Variants in KTN1 observed in about 807,000 individuals in gnomAD.
KTN1 encodes the protein kinectin.
A neutral mutation model predicts 222.5 loss-of-function variants in KTN1; 130 were observed. The observed-to-expected ratio is 0.58, with a 90% CI of 0.51 to 0.68. KTN1 has a LOEUF of 0.68. KTN1 is among the 30% of genes least tolerant of loss of function. The pLI is 0.00. For missense variants in KTN1, 1,508 were observed against 1,500.4 expected, an observed-to-expected ratio of 1.01 and a Z score of -0.08; for synonymous variants, 512 against 496.3, an observed-to-expected ratio of 1.03 and a Z score of -0.42.
chr14:55,598,346 A>T (rs558349131), intron 1 of KTN1, among the ~76,000 whole-genome samples: 1 of 151,310 alleles, frequency 6.6e-6, no homozygotes, highest in Non-Finnish European at 1.5e-5. Flanking sequence ...GAGGCAGGAG[A>T]ATGGCGGGAG....
intron 9 of KTN1, among the ~76,000 whole-genome samples, chr14:55,634,982 G>C (rs2040954274): frequency 1.3e-5 from 2 of 152,164 alleles, no homozygotes; most frequent in South Asian, 4.1e-4. Context: ...CTATGATTCA[G>C]TTACCTCCAC....
Position 55,672,991 on chromosome 14 carries a change from CTA to C in KTN1, c.3668_3669del (p.Tyr1223CysfsTer13), listed in dbSNP as rs1396934382. ...AAAAGGCAGAGATGGAACGATCTAC[CTA>C]TGTTACAGAAGTCAGAGAGGTACTT... ...LEKAEMERST[Y>X]VTEVRELKDL... On this transcript the variant is annotated frameshift_variant, in exon 39 of 44. Coordinates refer to ENST00000395314, the MANE Select transcript of KTN1 (RefSeq NM_001079521.2). LOFTEE classifies it high-confidence loss of function. 6.2e-7 allele frequency: 1 copy of C among 1,612,184 alleles called. No individual in the cohort carries two copies. Among genetic ancestry groups the C allele is most frequent in the Non-Finnish European group, 8.5e-7 (1 of 1,178,564 alleles).
At position 55,671,769 on chromosome 14, in the gene KTN1, A is replaced by G. The variant is rs45486794; in HGVS notation, c.3439-16A>G. On this transcript the variant is annotated splice_polypyrimidine_tract_variant and intron_variant, in intron 36 of 43. Coordinates refer to ENST00000395314, the MANE Select transcript of KTN1 (RefSeq NM_001079521.2). Reference sequence around the variant, plus strand: ...AGAACATGAATTTTTCAAAACAACTATGCTTTTGTCTGTAGGAAGGAATTT... The same window carrying G: ...AGAACATGAATTTTTCAAAACAACTGTGCTTTTGTCTGTAGGAAGGAATTT... The G allele has an allele frequency of 2.0e-3, 3,124 of 1,587,778 alleles. 3 individuals carry two copies. Among genetic ancestry groups the G allele is most frequent in the Non-Finnish European group, 2.5e-3 (2,854 of 1,157,128 alleles).
At chr14:55,653,889 A>G (rs369222562) in intron 28 of KTN1, among the ~76,000 whole-genome samples, 4 of 152,316 alleles carry the variant, frequency 2.6e-5, no homozygotes, top group African/African-American at 7.2e-5. Context: ...AAAATATGCA[A>G]TTATTATAGA....
intron 13 of KTN1, 68 bp from the exon 14 acceptor site, chr14:55,639,845 G>A (rs905249809): frequency 1.0e-6 from 1 of 996,150 alleles, no homozygotes; most frequent in Non-Finnish European, 1.6e-6. Flanking sequence ...GCTTTTTAAG[G>A]CTTTAAATCC....
chr14:55,641,095 A>G, intron 16 of KTN1, 32 bp from the exon 17 acceptor site: 1 of 1,509,494 alleles, frequency 6.6e-7, no homozygotes, highest in Non-Finnish European at 9.1e-7. Flanking sequence ...TGAATGTATG[A>G]AGTATTTTAA....
At chr14:55,636,260 T>A (rs2041113783) in intron 9 of KTN1, among the ~76,000 whole-genome samples, 189 bp from the exon 10 acceptor site, 1 of 152,210 alleles carries the variant, frequency 6.6e-6, no homozygotes, top group Admixed American at 6.5e-5. Context: ...ATAGGATGGC[T>A]ATGGCTGATA....
chr14:55,588,975 C>T (rs536312841), intron 1 of KTN1, among the ~76,000 whole-genome samples: 5 of 150,326 alleles, frequency 3.3e-5, no homozygotes, highest in South Asian at 2.1e-4. Context: ...ATATAGTTAC[C>T]GAAAAAAAAA....
At chr14:55,598,105 C>G (rs894364364) in intron 1 of KTN1, among the ~76,000 whole-genome samples, 2 of 152,012 alleles carry the variant, frequency 1.3e-5, no homozygotes, top group African/African-American at 4.8e-5. Context: ...TAGAGAAAAG[C>G]AAAGGTCAGC....
chr14:55,684,443 T>G lies in KTN1; in HGVS notation c.*340T>G, dbSNP rs1417444343. On this transcript the variant is annotated 3_prime_UTR_variant, in exon 44 of 44. Coordinates refer to ENST00000395314, the MANE Select transcript of KTN1 (RefSeq NM_001079521.2). ...AATGTAAAATTTAACATTTTAATAC[T>G]GATGTTGTACACTGTTTTACTTAAC... 1 of 252,096 alleles carries G rather than the reference T, an allele frequency of 4.0e-6. No individual in the cohort carries two copies. Among genetic ancestry groups the G allele is most frequent in the African/African-American group, 2.2e-5 (1 of 45,742 alleles). 15.6% of individuals were successfully genotyped at this position (252,096 alleles called of 1,614,324 possible). A position where few individuals can be genotyped will look rare whatever the true frequency, so the allele number is the denominator to read the frequency against.
chr14:55,640,308 A>C, intron 14 of KTN1, 66 bp from the exon 15 acceptor site: 1 of 1,115,086 alleles, frequency 9.0e-7, no homozygotes, highest in Non-Finnish European at 1.3e-6. Flanking sequence ...TTTGTAGAAA[A>C]GATGCTTTAC....
chr14:55,628,517 A>G (rs2040126050), intron 6 of KTN1, among the ~76,000 whole-genome samples: 1 of 152,230 alleles, frequency 6.6e-6, no homozygotes, highest in Non-Finnish European at 1.5e-5. Context: ...CAATCTTTAA[A>G]ACATCATGAA....
intron 5 of KTN1, among the ~76,000 whole-genome samples, chr14:55,623,649 G>T (rs763503269): frequency 3.9e-5 from 6 of 152,242 alleles, no homozygotes; most frequent in Non-Finnish European, 7.3e-5. Context: ...AGGATTACAG[G>T]TGTGAGCCAC....
chr14:55,593,848 A>G (rs1167595053), intron 1 of KTN1, among the ~76,000 whole-genome samples: 1 of 138,572 alleles, frequency 7.2e-6, no homozygotes, highest in Non-Finnish European at 1.6e-5. Flanking sequence ...TTACCTTTTT[A>G]TTTTTTTGAA....
At chr14:55,583,097 T>C (rs1243800266) in intron 1 of KTN1, among the ~76,000 whole-genome samples, 1 of 152,130 alleles carries the variant, frequency 6.6e-6, no homozygotes, top group East Asian at 1.9e-4. Context: ...CCCTCCTCTA[T>C]AAATAGAAAA....
Position 55,675,860 on chromosome 14 carries a change from T to TCACAAAACTTA in KTN1, c.3798_3808dup (p.Arg1270ThrfsTer14), listed in dbSNP as rs1395130514. 1 of 1,612,606 alleles carries TCACAAAACTTA rather than the reference T, an allele frequency of 6.2e-7. No homozygotes were observed. Among genetic ancestry groups the TCACAAAACTTA allele is most frequent in the African/African-American group, 1.3e-5 (1 of 75,014 alleles). On this transcript the variant is annotated frameshift_variant, in exon 41 of 44. Coordinates refer to ENST00000395314, the MANE Select transcript of KTN1 (RefSeq NM_001079521.2). LOFTEE classifies it high-confidence loss of function. ...TTGAAGGCACAGTTAAATGAAACAC[T>TCACAAAACTTA]CACAAAACTTAGAACTGAACAAAAT...
At chr14:55,675,688 T>TA (rs2045831911) in intron 40 of KTN1, 147 bp from the exon 41 acceptor site, 2 of 531,402 alleles carry the variant, frequency 3.8e-6, no homozygotes, top group Non-Finnish European at 6.7e-6. Flanking sequence ...CTGCTTAGCC[T>TA]TTCTATACAT....
intron 5 of KTN1, among the ~76,000 whole-genome samples, chr14:55,621,158 C>T (rs989537756): frequency 1.3e-5 from 2 of 152,088 alleles, no homozygotes; most frequent in Non-Finnish European, 2.9e-5. Context: ...CAACATGTTC[C>T]TCATCTCCAT....
chr14:55,677,473 TAA>T (rs72424779), intron 41 of KTN1, among the ~76,000 whole-genome samples: 5 of 98,370 alleles, frequency 5.1e-5, no homozygotes, highest in Admixed American at 1.1e-4. Context: ...AAAGACTGTC[TAA>T]AAAAAAAAAA....
Sources: gnomAD v4.1 joint callset for allele counts (sites outside exome capture counted in the v4.1 genomes callset) on GRCh38, gnomAD v4.1.1 for gene constraint, MANE v1.5 for transcripts, NCBI Gene and HGNC (gene_info 2026-07-23, HGNC 2026-07-21) for gene names.